Variants in NKAIN3 observed in about 807,000 individuals in gnomAD.
NKAIN3 encodes the protein sodium/potassium-transporting ATPase subunit beta-1-interacting protein 3.
Under a neutral mutation model 30.2 loss-of-function variants are expected in NKAIN3, and 25 were observed. The observed-to-expected ratio is 0.83, with a 90% CI of 0.60 to 1.16. The LOEUF (loss-of-function observed/expected upper bound fraction) is 1.16, where lower values mean the gene tolerates loss of function less well. Ranked by LOEUF, NKAIN3 falls within the 50% of genes most tolerant of loss-of-function variation. The probability of loss-of-function intolerance (pLI) is 0.00; values close to 1 mark genes in which losing one functional copy is unlikely to be tolerated. For missense variants in NKAIN3, 225 were observed against 254.1 expected, an observed-to-expected ratio of 0.89 and a Z score of 0.78; for synonymous variants, 91 against 89.6, an observed-to-expected ratio of 1.02 and a Z score of -0.09.
At chr8:62,429,097 A>G (rs760545670) in intron 1 of NKAIN3, among the ~76,000 whole-genome samples, 3 of 151,836 alleles carry the variant, frequency 2.0e-5, no homozygotes, top group African/African-American at 4.8e-5. Context: ...CCTTTTCCCC[A>G]TTGTATGTTC....
intron 1 of NKAIN3, among the ~76,000 whole-genome samples, chr8:62,544,058 GT>G (rs1808931741): frequency 6.6e-6 from 1 of 152,104 alleles, no homozygotes; most frequent in Non-Finnish European, 1.5e-5. Context: ...CTGGAGTACA[GT>G]GGTGCAATTA....
chr8:62,391,238 C>T (rs1220619036), intron 1 of NKAIN3, among the ~76,000 whole-genome samples: 1 of 152,120 alleles, frequency 6.6e-6, no homozygotes, highest in African/African-American at 2.4e-5. Flanking sequence ...ACTATATGTA[C>T]CTTATCTTTG....
chr8:62,684,219 C>T (rs995881767), intron 3 of NKAIN3, among the ~76,000 whole-genome samples: 4 of 152,070 alleles, frequency 2.6e-5, no homozygotes, highest in Non-Finnish European at 5.9e-5. Flanking sequence ...TGCCATCTCT[C>T]CCCAGTGTTT....
Position 62,982,963 on chromosome 8 carries a change from C to T in NKAIN3, c.*17556C>T, listed in dbSNP as rs1824118765. ...TATATCAAACTGGGACATGTTTCTT[C>T]TTCATTCATGAATAAGTCTAATTTT... On this transcript the variant is annotated 3_prime_UTR_variant, in exon 7 of 7. Transcript: ENST00000623646. 6.6e-6 allele frequency: 1 copy of T among 152,144 alleles called. No homozygotes were observed. The allele number at this position is 152,144 out of a possible 1,614,324, so 9.4% of individuals were successfully genotyped here.
At chr8:62,540,801 C>G (rs1808813248) in intron 1 of NKAIN3, among the ~76,000 whole-genome samples, 1 of 151,778 alleles carries the variant, frequency 6.6e-6, no homozygotes, top group East Asian at 1.9e-4. Context: ...TTGGTTCACT[C>G]TTTATTATGA....
At chr8:62,718,416 A>G (rs1163952920) in intron 3 of NKAIN3, among the ~76,000 whole-genome samples, 1 of 152,232 alleles carries the variant, frequency 6.6e-6, no homozygotes, top group Non-Finnish European at 1.5e-5. Flanking sequence ...TTAACTGACT[A>G]AATTCCAAGA....
intron 3 of NKAIN3, among the ~76,000 whole-genome samples, chr8:62,684,427 A>C (rs1194778231): frequency 1.3e-5 from 2 of 152,204 alleles, no homozygotes; most frequent in Admixed American, 6.5e-5. Context: ...ACAAAGCGGT[A>C]TCTCTTCCCT....
At chr8:62,897,832 C>T (rs1036582195) in intron 4 of NKAIN3, among the ~76,000 whole-genome samples, 1 of 152,094 alleles carries the variant, frequency 6.6e-6, no homozygotes, top group Non-Finnish European at 1.5e-5. Flanking sequence ...TCCCTCCATG[C>T]GATCGATTTG....
At chr8:62,857,169 C>G (rs1282715022) in intron 4 of NKAIN3, 2 of 326,742 alleles carry the variant, frequency 6.1e-6, no homozygotes, top group Admixed American at 8.5e-5. Flanking sequence ...TATAGGGCCC[C>G]AATCTCTTCT....
chr8:62,498,087 G>A (rs1241455913), intron 1 of NKAIN3, among the ~76,000 whole-genome samples: 2 of 152,128 alleles, frequency 1.3e-5, no homozygotes, highest in Admixed American at 1.3e-4. Flanking sequence ...AGGTGAGGAA[G>A]ACGGTAATCG....
intron 1 of NKAIN3, among the ~76,000 whole-genome samples, chr8:62,302,218 C>T (rs771874976): frequency 6.6e-6 from 1 of 151,942 alleles, no homozygotes; most frequent in African/African-American, 2.4e-5. Context: ...TGTGGGTTAC[C>T]TACTCATTAG....
At chr8:62,579,367 A>G (rs371550297) in intron 1 of NKAIN3, among the ~76,000 whole-genome samples, 172 bp from the exon 2 acceptor site, 147 of 152,220 alleles carry the variant, frequency 9.7e-4, no homozygotes, top group African/African-American at 3.3e-3. Context: ...GTATATTTTG[A>G]GAGAAGGTGC....
chr8:62,379,807 C>T (rs754999590), intron 1 of NKAIN3, among the ~76,000 whole-genome samples: 1 of 152,044 alleles, frequency 6.6e-6, no homozygotes, highest in African/African-American at 2.4e-5. Context: ...GAAAAAGGAG[C>T]CTTCATTTTT....
chr8:62,906,155 T>A (rs1821768206), intron 4 of NKAIN3, among the ~76,000 whole-genome samples: 1 of 152,178 alleles, frequency 6.6e-6, no homozygotes, highest in African/African-American at 2.4e-5. Flanking sequence ...AAACTTGTGT[T>A]GCCCTCTGCA....
At chr8:62,985,799 T>G (rs1426763870), downstream of NKAIN3, among the ~76,000 whole-genome samples, 1 of 151,944 alleles carries the variant, frequency 6.6e-6, no homozygotes, top group Non-Finnish European at 1.5e-5. Flanking sequence ...GGGAACTTTC[T>G]GTATTGCTTT....
intron 3 of NKAIN3, among the ~76,000 whole-genome samples, chr8:62,615,333 T>C (rs1262961706): frequency 1.3e-5 from 2 of 152,132 alleles, no homozygotes; most frequent in Non-Finnish European, 2.9e-5. Flanking sequence ...GTGGCTGAGC[T>C]GGTTTCCTAG....
chr8:62,884,614 T>C (rs1177392276), intron 4 of NKAIN3, among the ~76,000 whole-genome samples: 2 of 152,220 alleles, frequency 1.3e-5, no homozygotes, highest in Non-Finnish European at 2.9e-5. Flanking sequence ...AGTGAACCCA[T>C]TTGAGCTTGG....
intron 3 of NKAIN3, among the ~76,000 whole-genome samples, chr8:62,688,721 C>CACAGACAG (rs541712425): frequency 6.6e-6 from 1 of 150,564 alleles, no homozygotes; most frequent in Non-Finnish European, 1.5e-5. Flanking sequence ...CACACATAGA[C>CACAGACAG]ACAGACAGAC....
chr8:62,327,581 A>G (rs1208372572), intron 1 of NKAIN3, among the ~76,000 whole-genome samples: 4 of 152,044 alleles, frequency 2.6e-5, no homozygotes, highest in East Asian at 1.9e-4. Context: ...GCCTTTCCCC[A>G]TTGAATAGCC....
Sources: allele counts gnomAD v4.1 joint callset (sites outside exome capture counted in the v4.1 genomes callset), GRCh38; gene constraint gnomAD v4.1.1; transcripts MANE v1.5; gene names NCBI Gene and HGNC (gene_info 2026-07-23, HGNC 2026-07-21).